Variants in OGG1 observed in about 807,000 individuals in gnomAD.
OGG1 encodes N-glycosylase/DNA lyase.
OGG1 carries 35 observed loss-of-function variants against 42.3 expected under a neutral mutation model. The ratio of observed to expected loss-of-function variants is 0.83; its 90% CI spans 0.63 to 1.10. The LOEUF is 1.10. Ranked by LOEUF, OGG1 falls within the 50% of genes least tolerant of loss-of-function variation. OGG1 has a pLI of 0.00. For missense variants in OGG1, 484 were observed against 446.7 expected, an observed-to-expected ratio of 1.08 and a Z score of -0.75; for synonymous variants, 189 against 179.0, an observed-to-expected ratio of 1.06 and a Z score of -0.44.
downstream of OGG1, among the ~76,000 whole-genome samples, chr3:9,790,684 G>A (rs79788876): frequency 0.016 from 2,385 of 152,300 alleles, 35 homozygotes; most frequent in Middle Eastern, 0.044. Context: ...CTTAGTGTCT[G>A]GCATTGGGCT....
At chr3:9,789,582 T>C, downstream of OGG1, 1 of 1,614,152 alleles carries the variant, frequency 6.2e-7, no homozygotes, top group Non-Finnish European at 8.5e-7. Context: ...GCTGGTGATG[T>C]CAGCACAGTA....
rs756959576 is a variant in OGG1 at position 9,765,935 on chromosome 3, C to T, written c.*104C>T. On this transcript the variant is annotated 3_prime_UTR_variant, in exon 8 of 8. Coordinates refer to the OGG1 transcript ENST00000302008. ...ACAAGGTGAAGAACTGGAACCCCAG[C>T]TTCCCTCCAGCCTCTCCTCCATTCC... 12 of 1,614,074 alleles carry T rather than the reference C, an allele frequency of 7.4e-6. No individual in the cohort carries two copies. The Admixed American group carries it at 1.8e-4, about 25-fold the overall frequency.
rs148970798 is a variant in OGG1 at position 9,772,888 on chromosome 3, T to C, written c.295-8625T>C. 1.5e-3 allele frequency among the ~76,000 whole-genome samples: 228 copies of C among 152,268 alleles called. 2 individuals carry two copies. Among genetic ancestry groups the C allele is most frequent in the African/African-American group, 5.1e-3 (212 of 41,542 alleles). ...ACATTTTTAGTACAATTCTTCCAGATTTTTTGGATGCGTATACATATACAT... is the reference window on the plus strand; with the variant it reads ...ACATTTTTAGTACAATTCTTCCAGACTTTTTGGATGCGTATACATATACAT... On this transcript the variant is annotated intron_variant, in intron 2 of 3. Transcript: ENST00000426518.
At chr3:9,754,381 T>A (rs918776761) in intron 3 of OGG1, among the ~76,000 whole-genome samples, 65 of 152,260 alleles carry the variant, frequency 4.3e-4, no homozygotes, top group Non-Finnish European at 2.4e-4. Flanking sequence ...TTTTTTTAGA[T>A]CATGAGTGTG....
At position 9,780,552 on chromosome 3, in the gene OGG1, G is replaced by A. The variant is rs565024553; in HGVS notation, c.295-961G>A. On this transcript the variant is annotated intron_variant, in intron 2 of 3. Coordinates refer to the OGG1 transcript ENST00000426518. ...GGCTCACCTCCTCCTTTGCCAGCCT[G>A]TGGGGACCAGCCAGCCAGGTGCCAG... is the stretch of plus-strand genomic sequence containing the variant. 9.4e-6 allele frequency: 15 copies of A among 1,599,750 alleles called. No homozygotes were observed. In the South Asian group the frequency reaches 9.9e-5, roughly 11 times the overall value.
At chr3:9,758,894 TG>T (rs1194208759), downstream of OGG1, 1 of 379,086 alleles carries the variant, frequency 2.6e-6, no homozygotes, top group Admixed American at 3.8e-5. Flanking sequence ...CCTCCCAAAG[TG>T]CTGGGATTAC....
At chr3:9,750,919 A>G (rs907918516) in intron 1 of OGG1, 26 bp from the exon 2 acceptor site, 3 of 1,613,564 alleles carry the variant, frequency 1.9e-6, no homozygotes, top group South Asian at 1.1e-5. Context: ...ATTGAGTGCC[A>G]GGGTTGTCAT....
At chr3:9,777,139 T>C (rs1224422894) in intron 2 of OGG1, among the ~76,000 whole-genome samples, 2 of 152,188 alleles carry the variant, frequency 1.3e-5, no homozygotes, top group Admixed American at 6.5e-5. Flanking sequence ...CCGTTCTCAC[T>C]CACCCTGGTG....
intron 3 of OGG1, among the ~76,000 whole-genome samples, chr3:9,785,792 G>A (rs1183448100): frequency 6.6e-6 from 1 of 152,232 alleles, no homozygotes; most frequent in Non-Finnish European, 1.5e-5. Flanking sequence ...GCTAGGCAAT[G>A]CCTGTCCAGT....
At chr3:9,767,183 A>T (rs2078178498), downstream of OGG1, among the ~76,000 whole-genome samples, 1 of 152,198 alleles carries the variant, frequency 6.6e-6, no homozygotes, top group Non-Finnish European at 1.5e-5. Context: ...TCCCCCAGGC[A>T]GAAGGCACAG....
chr3:9,763,312 G>C lies in OGG1; in HGVS notation c.1049-2497G>C, dbSNP rs1043660023. The C allele has an allele frequency of 2.4e-5, 35 of 1,472,398 alleles. No individual in the cohort carries two copies. The Middle Eastern group carries it at 6.0e-4, about 25-fold the overall frequency. 91.2% of individuals were successfully genotyped at this position (1,472,398 alleles called of 1,614,324 possible). A position where few individuals can be genotyped will look rare whatever the true frequency, so the allele number is the denominator to read the frequency against. ...GGAGGCTGAGGCAGGAGGATCACTT[G>C]GCCCCAGCAGTTCAAAGCTGCAGTC... On this transcript the variant is annotated intron_variant, in intron 7 of 7. Transcript: ENST00000302008.
At chr3:9,760,965 C>T (rs1279430572), downstream of OGG1, 6 of 740,078 alleles carry the variant, frequency 8.1e-6, no homozygotes, top group Non-Finnish European at 1.3e-5. Context: ...CCATCTTGCC[C>T]TCCTCAGGGC....
At chr3:9,765,800 G>C in intron 7 of OGG1, 9 of 1,614,004 alleles carry the variant, frequency 5.6e-6, no homozygotes, top group Non-Finnish European at 7.6e-6. Flanking sequence ...TGCCTTCCTT[G>C]CCCTCCAGGG....
At chr3:9,754,529 C>T (rs1228526785) in intron 3 of OGG1, among the ~76,000 whole-genome samples, 175 bp from the exon 4 acceptor site, 1 of 152,164 alleles carries the variant, frequency 6.6e-6, no homozygotes, top group African/African-American at 2.4e-5. Context: ...GGGACAGGAC[C>T]CAGGCCTAAC....
intron 2 of OGG1, among the ~76,000 whole-genome samples, chr3:9,781,255 G>C (rs561900022): frequency 6.6e-6 from 1 of 152,006 alleles, no homozygotes; most frequent in South Asian, 2.1e-4. Context: ...GACCAACCTC[G>C]GCAACAGAGT....
At chr3:9,764,722 T>C (rs1441648117) in intron 7 of OGG1, among the ~76,000 whole-genome samples, 5 of 136,666 alleles carry the variant, frequency 3.7e-5, no homozygotes, top group African/African-American at 1.1e-4. Flanking sequence ...AACCTCCACC[T>C]CTCGGGTTTA....
chr3:9,762,426 G>C (rs2077926273), intron 7 of OGG1: 2 of 155,832 alleles, frequency 1.3e-5, no homozygotes, highest in Admixed American at 1.3e-4. Flanking sequence ...GCCCAGGCTG[G>C]CGTGCAATGG....
intron 3 of OGG1, among the ~76,000 whole-genome samples, chr3:9,782,915 T>G (rs762849383): frequency 9.2e-5 from 14 of 152,228 alleles, no homozygotes; most frequent in Non-Finnish European, 1.6e-4. Context: ...CCTATCTCTT[T>G]ACCTAAAGGG....
At chr3:9,779,661 G>A (rs879431897) in intron 2 of OGG1, among the ~76,000 whole-genome samples, 1 of 151,724 alleles carries the variant, frequency 6.6e-6, no homozygotes, top group African/African-American at 2.4e-5. Flanking sequence ...AAAAAAAAAA[G>A]AAACCTGGAC....
Sources: gnomAD v4.1 joint callset for allele counts (sites outside exome capture counted in the v4.1 genomes callset) on GRCh38, gnomAD v4.1.1 for gene constraint, MANE v1.5 for transcripts, NCBI Gene and HGNC (gene_info 2026-07-23, HGNC 2026-07-21) for gene names.